The following GPM6A variants were observed in gnomAD, a reference collection of about 807,000 sequenced individuals.
The protein encoded by GPM6A is glycoprotein M6A.
GPM6A carries 7 observed loss-of-function variants against 32.1 expected under a neutral mutation model. That is an observed-to-expected ratio of 0.22 (90% CI 0.12 to 0.41). The LOEUF is 0.41. Among genes scored for constraint, GPM6A ranks in the 10% least tolerant of loss-of-function variants. GPM6A has a pLI of 1.00. For missense variants in GPM6A, 235 were observed against 347.2 expected (o/e 0.68, Z 2.57); for synonymous variants, 130 against 123.4 (o/e 1.05, Z -0.35).
At chr4:175,688,533 G>A (rs529284373) in intron 2 of GPM6A, among the ~76,000 whole-genome samples, 1 of 152,066 alleles carries the variant, frequency 6.6e-6, no homozygotes, top group Non-Finnish European at 1.5e-5. Context: ...TGTCTACTGT[G>A]CTATGGTGGT....
intron 1 of GPM6A, among the ~76,000 whole-genome samples, chr4:175,801,736 G>T (rs1338450646): frequency 6.6e-6 from 1 of 152,100 alleles, no homozygotes; most frequent in Non-Finnish European, 1.5e-5. Context: ...TCATCATTAG[G>T]TTACAGTGGT....
intron 5 of GPM6A, among the ~76,000 whole-genome samples, chr4:175,640,527 G>A (rs920814238): frequency 2.0e-5 from 3 of 152,126 alleles, no homozygotes; most frequent in African/African-American, 7.2e-5. Flanking sequence ...TCATTAAAAT[G>A]AGTTTCCAGA....
At chr4:175,770,407 C>T (rs1357266630) in intron 1 of GPM6A, among the ~76,000 whole-genome samples, 1 of 152,204 alleles carries the variant, frequency 6.6e-6, no homozygotes, top group African/African-American at 2.4e-5. Context: ...CATCTCTTGT[C>T]AGCCAGAATG....
chr4:175,844,311 T>C (rs932353813), intron 1 of GPM6A, among the ~76,000 whole-genome samples: 3 of 152,198 alleles, frequency 2.0e-5, no homozygotes, highest in African/African-American at 7.2e-5. Context: ...TGTCATGAGA[T>C]CTCCAATGTT....
intron 3 of GPM6A, among the ~76,000 whole-genome samples, chr4:175,661,006 A>G (rs1326171275): frequency 1.3e-5 from 2 of 152,202 alleles, no homozygotes; most frequent in Non-Finnish European, 2.9e-5. Context: ...AAATTAAGAT[A>G]TCAGATTTAC....
chr4:175,913,846 T>G (rs1579621833), intron 1 of GPM6A, among the ~76,000 whole-genome samples: 1 of 152,310 alleles, frequency 6.6e-6, no homozygotes, highest in East Asian at 1.9e-4. Flanking sequence ...TCTTCTTCCT[T>G]TCTCCATCAT....
intron 2 of GPM6A, among the ~76,000 whole-genome samples, chr4:175,684,203 C>A (rs904017271): frequency 6.6e-6 from 1 of 152,154 alleles, no homozygotes; most frequent in Admixed American, 6.5e-5. Flanking sequence ...GGCTAAGACA[C>A]AAGTGACAGA....
intron 1 of GPM6A, among the ~76,000 whole-genome samples, chr4:175,825,357 T>G (rs772213844): frequency 1.3e-5 from 2 of 152,174 alleles, no homozygotes; most frequent in Non-Finnish European, 2.9e-5. Context: ...CCAAGGCTAG[T>G]CTTTCAGTCA....
chr4:175,884,942 T>G (rs1737404795), intron 1 of GPM6A, among the ~76,000 whole-genome samples: 1 of 152,194 alleles, frequency 6.6e-6, no homozygotes, highest in Admixed American at 6.5e-5. Flanking sequence ...TGAGACAAAA[T>G]GGTAACATGG....
intron 1 of GPM6A, among the ~76,000 whole-genome samples, chr4:175,752,023 G>T (rs537484951): frequency 1.3e-5 from 2 of 152,162 alleles, no homozygotes; most frequent in South Asian, 4.2e-4. Flanking sequence ...TTTTTATCCT[G>T]GGTTCCAGTC....
intron 1 of GPM6A, among the ~76,000 whole-genome samples, chr4:175,832,890 C>T (rs963759227): frequency 6.6e-6 from 1 of 152,118 alleles, no homozygotes; most frequent in African/African-American, 2.4e-5. Context: ...ACAAGAATGC[C>T]GGTTCCCAAA....
At chr4:175,986,595 C>T (rs1374242253) in intron 1 of GPM6A, among the ~76,000 whole-genome samples, 5 of 152,090 alleles carry the variant, frequency 3.3e-5, no homozygotes, top group African/African-American at 7.2e-5. Context: ...CAGTACTTGA[C>T]GTATTTACCT....
intron 1 of GPM6A, among the ~76,000 whole-genome samples, chr4:175,888,242 A>G (rs1737524939): frequency 6.6e-6 from 1 of 152,058 alleles, no homozygotes; most frequent in Non-Finnish European, 1.5e-5. Context: ...CAATAAAATA[A>G]ATTGATAAAT....
intron 1 of GPM6A, among the ~76,000 whole-genome samples, chr4:175,779,324 G>A (rs116479117): frequency 0.02 from 3,078 of 152,194 alleles, 56 homozygotes; most frequent in Non-Finnish European, 0.031. Flanking sequence ...AGCAATTTCC[G>A]TTTTGTTTCA....
At chr4:175,639,946 T>A (rs2110883435) in intron 6 of GPM6A, among the ~76,000 whole-genome samples, 183 bp downstream of exon 6, 1 of 151,980 alleles carries the variant, frequency 6.6e-6, no homozygotes, top group Non-Finnish European at 1.5e-5. Flanking sequence ...GTAATAATAA[T>A]ATTTCTTGGG....
At chr4:175,793,683 A>G (rs1734102581) in intron 1 of GPM6A, among the ~76,000 whole-genome samples, 2 of 152,128 alleles carry the variant, frequency 1.3e-5, no homozygotes, top group Non-Finnish European at 2.9e-5. Context: ...GCCAAGATCC[A>G]TGAATTCTTC....
intron 1 of GPM6A, among the ~76,000 whole-genome samples, chr4:175,750,514 T>C (rs557638279): frequency 2.0e-5 from 3 of 152,088 alleles, no homozygotes; most frequent in South Asian, 2.1e-4. Context: ...CATGGTAACA[T>C]GGAGGAGGTT....
chr4:175,953,374 G>T (rs1477012224), intron 1 of GPM6A, among the ~76,000 whole-genome samples: 1 of 152,124 alleles, frequency 6.6e-6, no homozygotes, highest in Non-Finnish European at 1.5e-5. Context: ...AATAGCATTT[G>T]CAGACCTAAA....
chr4:175,904,092 A>T (rs1203444550), intron 1 of GPM6A, among the ~76,000 whole-genome samples: 7 of 152,140 alleles, frequency 4.6e-5, no homozygotes, highest in African/African-American at 1.7e-4. Flanking sequence ...TATTTTTTTC[A>T]ATGTTTCCAA....
Sources: gnomAD v4.1 joint callset for allele counts (sites outside exome capture counted in the v4.1 genomes callset) on GRCh38, gnomAD v4.1.1 for gene constraint, MANE v1.5 for transcripts, NCBI Gene and HGNC (gene_info 2026-07-23, HGNC 2026-07-21) for gene names.